WDR20: variants seen among roughly 807,000 people sequenced by gnomAD.
WDR20 encodes the protein WD repeat domain 20.
Under a neutral mutation model 38.7 loss-of-function variants are expected in WDR20, and 3 were observed. The observed-to-expected ratio is 0.08, with a 90% confidence interval of 0.04 to 0.20. WDR20 has a LOEUF of 0.20. Ranked by LOEUF, WDR20 falls within the 10% of genes least tolerant of loss-of-function variation. The pLI is 1.00. For synonymous variants in WDR20, 298 were observed against 285.6 expected, an observed-to-expected ratio of 1.04 and a Z score of -0.44; for missense variants, 559 against 727.7, an observed-to-expected ratio of 0.77 and a Z score of 2.67.
intron 1 of WDR20, among the ~76,000 whole-genome samples, chr14:102,174,430 T>C (rs1266936833): frequency 6.6e-6 from 1 of 152,172 alleles, no homozygotes; most frequent in African/African-American, 2.4e-5. Context: ...TTATTATTAT[T>C]ATTTTTTGAG....
At chr14:102,172,783 T>G (rs1447822887) in intron 1 of WDR20, among the ~76,000 whole-genome samples, 3 of 141,716 alleles carry the variant, frequency 2.1e-5, no homozygotes, top group African/African-American at 8.0e-5. Context: ...ACGGGGTGGC[T>G]GCTGGGCGGA....
intron 1 of WDR20, among the ~76,000 whole-genome samples, chr14:102,152,026 G>T (rs142533007): frequency 1.5e-3 from 226 of 152,126 alleles, no homozygotes; most frequent in African/African-American, 5.2e-3. Context: ...GGATCAAGGG[G>T]TCTTCCCACT....
chr14:102,223,028 C>A, exon 4 of WDR20: 1 of 899,886 alleles, frequency 1.1e-6, no homozygotes, highest in South Asian at 1.5e-5. Context: ...GTGACCGGCT[C>A]ACTCTGCGGC....
chr14:102,218,183 T>C (rs537888679), downstream of WDR20, among the ~76,000 whole-genome samples: 21 of 152,314 alleles, frequency 1.4e-4, no homozygotes, highest in African/African-American at 5.1e-4. Context: ...CGTCTTACTT[T>C]TGTTTGGGTT....
chr14:102,164,437 A>G (rs1033323876), intron 1 of WDR20, among the ~76,000 whole-genome samples: 5 of 152,124 alleles, frequency 3.3e-5, no homozygotes, highest in African/African-American at 1.2e-4. Context: ...ACTCTCTCCC[A>G]CAGTGACATG....
intron 2 of WDR20, among the ~76,000 whole-genome samples, chr14:102,196,612 A>G (rs2059446949): frequency 6.6e-6 from 1 of 152,188 alleles, no homozygotes; most frequent in Non-Finnish European, 1.5e-5. Flanking sequence ...AGGATGGTAC[A>G]GAATGCCGCT....
chr14:102,205,480 T>A (rs2061368295), intron 2 of WDR20, among the ~76,000 whole-genome samples: 1 of 152,200 alleles, frequency 6.6e-6, no homozygotes, highest in Admixed American at 6.5e-5. Flanking sequence ...TGTATACTTT[T>A]ATGTGAATTA....
chr14:102,213,788 C>G, downstream of WDR20: 1 of 985,402 alleles, frequency 1.0e-6, no homozygotes, highest in Non-Finnish European at 1.2e-6. Flanking sequence ...GGGAGGGAGA[C>G]GTTTTCTTTC....
Position 102,200,465 on chromosome 14 carries a change from T to TGGGGTG in WDR20, c.432+5345_432+5346insGGGGTG, listed in dbSNP as rs1555400497. 2.6e-3 allele frequency among the ~76,000 whole-genome samples: 261 copies of TGGGGTG among 98,682 alleles called. 1 individual carries two copies. Among genetic ancestry groups the TGGGGTG allele is most frequent in the African/African-American group, 0.013 (243 of 18,870 alleles). The allele number at this position is 98,682 out of a possible 152,430, so 64.7% of individuals were successfully genotyped here. ...AGGAGTTTACTTTTTAAATTTTTTT[T>TGGGGTG]TTTGTGTGTGTGTGTGTGTGTGTGT... On this transcript the variant is annotated intron_variant, in intron 2 of 2. Transcript: ENST00000342702.
At chr14:102,160,735 G>C (rs1414867158) in intron 1 of WDR20, among the ~76,000 whole-genome samples, 2 of 151,544 alleles carry the variant, frequency 1.3e-5, no homozygotes, top group Non-Finnish European at 2.9e-5. Flanking sequence ...AAGGTCAGGA[G>C]ATCAAGACCA....
At chr14:102,173,309 TCA>T (rs1181915824) in intron 1 of WDR20, among the ~76,000 whole-genome samples, 1 of 151,386 alleles carries the variant, frequency 6.6e-6, no homozygotes, top group African/African-American at 2.4e-5. Context: ...AGATGAGGTC[TCA>T]CCATGTTGCC....
intron 1 of WDR20, among the ~76,000 whole-genome samples, chr14:102,169,428 G>C (rs1423488271): frequency 1.3e-5 from 2 of 152,206 alleles, no homozygotes; most frequent in Non-Finnish European, 2.9e-5. Context: ...ATCTACAAGA[G>C]GAGGGCTTTA....
At chr14:102,172,574 C>G (rs1385248486) in intron 1 of WDR20, among the ~76,000 whole-genome samples, 1 of 146,264 alleles carries the variant, frequency 6.8e-6, no homozygotes, top group East Asian at 2.0e-4. Context: ...GGCGGCTGGC[C>G]GGGCAGAGGG....
Position 102,209,122 on chromosome 14 carries a change from A to G in WDR20, c.952A>G (p.Ser318Gly). 6.2e-7 allele frequency: 1 copy of G among 1,614,132 alleles called. No individual in the cohort carries two copies. Among genetic ancestry groups the G allele is most frequent in the Non-Finnish European group, 8.5e-7 (1 of 1,180,022 alleles). The change falls in exon 3 of 3, where the codon AGT becomes GGT. Residue 318 changes from serine to glycine, a missense_variant. Physicochemically the swap from Ser to Gly is moderately conservative, Grantham distance 56. Transcript: ENST00000342702. This position sits in a 1 kb window ranked among gnomAD's most constrained non-coding sequence, Gnocchi z 6.0. ...SVVAFDPYTT[S>G]VEEGDPMEFS... is the part of the protein sequence containing the mutation. ...TGTAGCGTTTGACCCTTATACCACT[A>G]GTGTAGAAGAAGGTGACCCTATGGA...
chr14:102,150,714 G>A (rs1406697015), intron 1 of WDR20, among the ~76,000 whole-genome samples: 1 of 152,112 alleles, frequency 6.6e-6, no homozygotes, highest in Admixed American at 6.6e-5. Flanking sequence ...AAATATTTGA[G>A]TAGTTTTTGT....
chr14:102,147,843 G>C (rs2054223171), intron 1 of WDR20, among the ~76,000 whole-genome samples: 1 of 152,296 alleles, frequency 6.6e-6, no homozygotes, highest in African/African-American at 2.4e-5. Flanking sequence ...CCATTCGCAG[G>C]CCTCAGCCTC....
chr14:102,142,775 T>TG (rs373456105), intron 1 of WDR20, among the ~76,000 whole-genome samples: 31 of 4,492 alleles, frequency 6.9e-3, no homozygotes, highest in South Asian at 0.033. Context: ...CTGTTTTGAC[T>TG]TTTTTTTTTT....
intron 1 of WDR20, among the ~76,000 whole-genome samples, chr14:102,162,703 T>G (rs1428241540): frequency 6.6e-6 from 1 of 152,102 alleles, no homozygotes; most frequent in Non-Finnish European, 1.5e-5. Flanking sequence ...AACCTCTGCC[T>G]CCTGGGCTCA....
At chr14:102,164,219 C>G (rs2059332723) in intron 1 of WDR20, among the ~76,000 whole-genome samples, 1 of 152,056 alleles carries the variant, frequency 6.6e-6, no homozygotes, top group Non-Finnish European at 1.5e-5. Context: ...ACACCTTTCT[C>G]TCTCTTCCTC....
Sources: allele counts gnomAD v4.1 joint callset (sites outside exome capture counted in the v4.1 genomes callset), GRCh38; gene constraint gnomAD v4.1.1; non-coding constraint Gnocchi (gnomAD v3.1); transcripts MANE v1.5; gene names NCBI Gene and HGNC (gene_info 2026-07-23, HGNC 2026-07-21).